Variants in FSHR observed in about 807,000 individuals in gnomAD.
The protein encoded by FSHR is follicle-stimulating hormone receptor.
Under a neutral mutation model 52.1 loss-of-function variants are expected in FSHR, and 46 were observed. The ratio of observed to expected loss-of-function variants is 0.88; its 90% CI spans 0.70 to 1.13. FSHR has a LOEUF of 1.13. Among genes scored for constraint, FSHR ranks in the 50% most tolerant of loss-of-function variants. The pLI, the probability that FSHR is intolerant of heterozygous loss-of-function variation, is 0.00. For synonymous variants in FSHR, 399 were observed against 309.6 expected (o/e 1.29, Z -3.03); for missense variants, 964 against 834.6 (o/e 1.16, Z -1.91).
intron 1 of FSHR, among the ~76,000 whole-genome samples, chr2:49,109,057 C>A (rs1467628070): frequency 6.6e-6 from 1 of 151,994 alleles, no homozygotes; most frequent in South Asian, 2.1e-4. Context: ...AGCAAATCTG[C>A]CTGGGATTCT....
At chr2:49,088,690 T>G (rs1466910594) in intron 1 of FSHR, among the ~76,000 whole-genome samples, 2 of 152,066 alleles carry the variant, frequency 1.3e-5, no homozygotes, top group Admixed American at 6.6e-5. Context: ...TAATGTGAGG[T>G]GACTGTCACA....
At chr2:49,021,947 G>A (rs4387843) in intron 2 of FSHR, among the ~76,000 whole-genome samples, 114,681 of 129,472 alleles carry the variant, frequency 0.89, 50,929 homozygotes, top group East Asian at 0.93. Context: ...GCTATTGGCC[G>A]TTTATTATCT....
At chr2:49,030,441 C>T (rs1387582038) in intron 2 of FSHR, among the ~76,000 whole-genome samples, 1 of 152,144 alleles carries the variant, frequency 6.6e-6, no homozygotes, top group East Asian at 1.9e-4. Flanking sequence ...CCCCAAATGG[C>T]TTTTCTCCTG....
intron 4 of FSHR, among the ~76,000 whole-genome samples, chr2:49,016,694 AGTT>A (rs1667502417): frequency 6.6e-6 from 1 of 152,188 alleles, no homozygotes; most frequent in African/African-American, 2.4e-5. Context: ...AATGACAAGT[AGTT>A]GTTGCTTTAA....
chr2:48,968,743 G>T lies in FSHR; in HGVS notation c.809C>A (p.Thr270Asn), dbSNP rs2104008241. 6.2e-7 allele frequency: 1 copy of T among 1,614,166 alleles called. No individual in the cohort carries two copies. The highest frequency in any genetic ancestry group is 2.2e-5 in the East Asian group (1 of 44,884). ...KLVALMEASL[T>N]YPSHCCAFAN... ...AAAGGCACAGCAATGGCTGGGATAG[G>T]TGAGGCTGGCTTCCATGAGGGCGAC... The change falls in exon 9 of 10, where the codon ACC becomes AAC. Residue 270 changes from threonine (T) to asparagine (N), a missense_variant. By Grantham distance (65) the Thr-to-Asn change is moderately conservative (BLOSUM62 0). Transcript: ENST00000406846.
rs190256483 is a variant in FSHR at position 49,059,570 on chromosome 2, A to G, written c.224+8649T>C. Reference sequence around the variant, plus strand: ...ATGATGCTGGGAAAACTGGATATCCACATGTAGAAGACTGATACTATTAGG... The same window carrying G: ...ATGATGCTGGGAAAACTGGATATCCGCATGTAGAAGACTGATACTATTAGG... On this transcript the variant is annotated intron_variant, in intron 2 of 9. Transcript: ENST00000406846. The G allele has an allele frequency of 4.4e-3, 674 of 152,756 alleles. 9 individuals are homozygous for G. The highest frequency in any genetic ancestry group is 6.8e-3 in the Non-Finnish European group (466 of 68,044). 9.5% of individuals were successfully genotyped at this position (152,756 alleles called of 1,614,324 possible).
chr2:49,063,278 C>A (rs1669379271), intron 2 of FSHR, among the ~76,000 whole-genome samples: 1 of 152,102 alleles, frequency 6.6e-6, no homozygotes, highest in African/African-American at 2.4e-5. Context: ...TTTGCAGTAA[C>A]AAAGGATTCT....
chr2:49,021,886 T>TATAGAG (rs1273265515), intron 2 of FSHR, among the ~76,000 whole-genome samples: 18 of 25,116 alleles, frequency 7.2e-4, no homozygotes, highest in Non-Finnish European at 1.0e-3. Context: ...TATATATATA[T>TATAGAG]AGAGAGAGAG....
intron 2 of FSHR, among the ~76,000 whole-genome samples, chr2:49,060,477 G>T (rs1226048781): frequency 7.2e-5 from 11 of 152,140 alleles, no homozygotes; most frequent in Admixed American, 7.2e-4. Flanking sequence ...AGCCAGGGTG[G>T]TCACACACCC....
intron 1 of FSHR, among the ~76,000 whole-genome samples, chr2:49,083,053 CAAAGTTG>C (rs1226940094): frequency 8.0e-5 from 12 of 150,852 alleles, no homozygotes; most frequent in Non-Finnish European, 1.2e-4. Context: ...TCAGATTCAC[CAAAGTTG>C]AAATGAAGGA....
chr2:49,137,901 T>C (rs1417608797), intron 1 of FSHR, among the ~76,000 whole-genome samples: 1 of 152,128 alleles, frequency 6.6e-6, no homozygotes, highest in African/African-American at 2.4e-5. Context: ...GGCAAAGGAT[T>C]ATTGGATATG....
chr2:49,130,340 T>G (rs1050250112), intron 1 of FSHR, among the ~76,000 whole-genome samples: 5 of 152,204 alleles, frequency 3.3e-5, no homozygotes, highest in African/African-American at 1.2e-4. Context: ...CTATCTGTCC[T>G]GGGGTAAATC....
At chr2:49,144,730 A>T (rs1672809190) in intron 1 of FSHR, among the ~76,000 whole-genome samples, 1 of 152,096 alleles carries the variant, frequency 6.6e-6, no homozygotes, top group South Asian at 2.1e-4. Context: ...CCTGACGAGA[A>T]ATTAGCTTTG....
intron 1 of FSHR, among the ~76,000 whole-genome samples, chr2:49,090,200 C>T (rs1376084833): frequency 6.6e-6 from 1 of 151,510 alleles, no homozygotes; most frequent in African/African-American, 2.4e-5. Flanking sequence ...TGCATAGATT[C>T]ATGTAACCAC....
chr2:49,010,734 A>G (rs1049585001), intron 4 of FSHR, among the ~76,000 whole-genome samples: 7 of 152,072 alleles, frequency 4.6e-5, no homozygotes, highest in Admixed American at 1.3e-4. Context: ...CAGAGATTCA[A>G]CTTCTTCCTG....
chr2:49,120,130 G>A (rs1234482068), intron 1 of FSHR, among the ~76,000 whole-genome samples: 1 of 152,130 alleles, frequency 6.6e-6, no homozygotes, highest in Admixed American at 6.5e-5. Context: ...AATTATCTGG[G>A]CATGGTGGTG....
At chr2:49,138,909 G>A (rs368192173) in intron 1 of FSHR, among the ~76,000 whole-genome samples, 5 of 152,182 alleles carry the variant, frequency 3.3e-5, no homozygotes, top group East Asian at 1.9e-4. Context: ...TCTAATGCTC[G>A]TAATTTCTGG....
chr2:49,018,507 A>G (rs1403710415), intron 3 of FSHR, among the ~76,000 whole-genome samples: 1 of 152,210 alleles, frequency 6.6e-6, no homozygotes, highest in African/African-American at 2.4e-5. Context: ...CTCTTTATGC[A>G]AGGAAGAGAT....
At chr2:49,002,074 G>A (rs953780272) in intron 4 of FSHR, among the ~76,000 whole-genome samples, 4 of 152,096 alleles carry the variant, frequency 2.6e-5, no homozygotes, top group Non-Finnish European at 5.9e-5. Flanking sequence ...GGGGAATTCA[G>A]TTAGCATTTC....
Sources: allele counts gnomAD v4.1 joint callset (sites outside exome capture counted in the v4.1 genomes callset), GRCh38; gene constraint gnomAD v4.1.1; transcripts MANE v1.5; gene names NCBI Gene and HGNC (gene_info 2026-07-23, HGNC 2026-07-21).